Variants in ADAMTS6 observed in about 807,000 individuals in gnomAD.
ADAMTS6 encodes A disintegrin and metalloproteinase with thrombospondin motifs 6.
ADAMTS6 carries 23 observed loss-of-function variants against 144.3 expected under a neutral mutation model. The ratio of observed to expected loss-of-function variants is 0.16; its 90% CI spans 0.11 to 0.23. The LOEUF is 0.23. Among genes scored for constraint, ADAMTS6 ranks in the 10% least tolerant of loss-of-function variants. ADAMTS6 has a pLI of 1.00. For missense variants in ADAMTS6, 999 were observed against 1,379.6 expected (o/e 0.72, Z 4.37); for synonymous variants, 444 against 457.5 (o/e 0.97, Z 0.38).
chr5:65,462,717 T>A (rs1213011054), intron 3 of ADAMTS6, among the ~76,000 whole-genome samples: 2 of 152,218 alleles, frequency 1.3e-5, no homozygotes, highest in African/African-American at 4.8e-5. Flanking sequence ...CTATGCTATG[T>A]GGTAGGGATA....
At position 65,149,319 on chromosome 5, in the gene ADAMTS6, C is replaced by T. The variant is rs1171907707; in HGVS notation, c.*2517G>A. 1 of 152,228 alleles carries T rather than the reference C, an allele frequency of 6.6e-6. No individual in the cohort carries two copies. The highest frequency in any genetic ancestry group is 2.4e-5 in the African/African-American group (1 of 41,452). The allele number at this position is 152,228 out of a possible 1,614,324, so 9.4% of individuals were successfully genotyped here. A position where few individuals can be genotyped will look rare whatever the true frequency, so the allele number is the denominator to read the frequency against. ...CATCATGTAGCCATGGGGGTGGCTA[C>T]AGAGTAGCAGCAGTATTGTGATGTG... On this transcript the variant is annotated 3_prime_UTR_variant, in exon 25 of 25. Coordinates refer to ENST00000381055, the MANE Select transcript of ADAMTS6 (RefSeq NM_197941.4).
intron 7 of ADAMTS6, among the ~76,000 whole-genome samples, chr5:65,409,177 T>TA (rs1754837018): frequency 6.6e-6 from 1 of 151,960 alleles, no homozygotes; most frequent in African/African-American, 2.4e-5. Flanking sequence ...GACAGAGACA[T>TA]AAAAAACCCT....
intron 11 of ADAMTS6, among the ~76,000 whole-genome samples, chr5:65,287,676 A>G (rs541205100): frequency 6.6e-6 from 1 of 152,184 alleles, no homozygotes; most frequent in South Asian, 2.1e-4. Context: ...GATTACAGGC[A>G]TGTGCCACCA....
chr5:65,301,591 G>T (rs1057072870), intron 9 of ADAMTS6, among the ~76,000 whole-genome samples: 6 of 152,152 alleles, frequency 3.9e-5, no homozygotes, highest in Admixed American at 2.0e-4. Flanking sequence ...AGTAATTATA[G>T]TAACTCCATG....
At chr5:65,407,691 G>T (rs1754666942) in intron 7 of ADAMTS6, among the ~76,000 whole-genome samples, 1 of 151,964 alleles carries the variant, frequency 6.6e-6, no homozygotes, top group African/African-American at 2.4e-5. Flanking sequence ...TGGCTGCACA[G>T]TATTCCATGG....
intron 9 of ADAMTS6, among the ~76,000 whole-genome samples, chr5:65,300,787 C>A (rs1490552461): frequency 6.6e-6 from 1 of 151,882 alleles, no homozygotes; most frequent in Non-Finnish European, 1.5e-5. Flanking sequence ...ACCTGTCACC[C>A]CGCCTGGCTA....
intron 9 of ADAMTS6, among the ~76,000 whole-genome samples, chr5:65,311,269 T>G (rs957030413): frequency 1.3e-5 from 2 of 152,122 alleles, no homozygotes; most frequent in South Asian, 2.1e-4. Flanking sequence ...TACTATATAA[T>G]AAGTAATAAA....
Position 65,224,788 on chromosome 5 carries a change from G to A in ADAMTS6, c.2191+136C>T, listed in dbSNP as rs569634436. Reference sequence around the variant, plus strand: ...TTGAAGCCACATTTAACACTAAAATGACTGAAAGCAATTTGGGGAAGAAAA... The same window carrying A: ...TTGAAGCCACATTTAACACTAAAATAACTGAAAGCAATTTGGGGAAGAAAA... On this transcript the variant is annotated intron_variant, in intron 17 of 24. Coordinates refer to ENST00000381055, the MANE Select transcript of ADAMTS6 (RefSeq NM_197941.4). 1.9e-5 allele frequency: 20 copies of A among 1,027,492 alleles called. No homozygotes were observed. The South Asian group carries it at 3.1e-4, about 16-fold the overall frequency. The allele number at this position is 1,027,492 out of a possible 1,614,324, so 63.6% of individuals were successfully genotyped here.
At chr5:65,255,768 G>A (rs1447990639) in intron 14 of ADAMTS6, among the ~76,000 whole-genome samples, 1 of 151,328 alleles carries the variant, frequency 6.6e-6, no homozygotes. Flanking sequence ...ATCTTACTGA[G>A]CAATTAAAAA....
chr5:65,219,233 G>A (rs149716558), intron 18 of ADAMTS6, among the ~76,000 whole-genome samples: 6,103 of 152,220 alleles, frequency 0.04, 189 homozygotes, highest in Middle Eastern at 0.075. Context: ...TTGGAACACA[G>A]TCACACCCAT....
intron 11 of ADAMTS6, among the ~76,000 whole-genome samples, chr5:65,289,220 T>C (rs1411143414): frequency 6.6e-6 from 1 of 152,176 alleles, no homozygotes; most frequent in Admixed American, 6.5e-5. Flanking sequence ...ACAGAAGTCT[T>C]TATAAACAAA....
chr5:65,414,236 A>T (rs2150187173), intron 7 of ADAMTS6, among the ~76,000 whole-genome samples: 1 of 152,314 alleles, frequency 6.6e-6, no homozygotes, highest in Non-Finnish European at 1.5e-5. Context: ...AACCTAGTAT[A>T]AAAACACTCA....
At chr5:65,345,125 G>C (rs909963428) in intron 7 of ADAMTS6, among the ~76,000 whole-genome samples, 3 of 151,750 alleles carry the variant, frequency 2.0e-5, no homozygotes, top group Non-Finnish European at 3.0e-5. Context: ...CATAGTAAGT[G>C]TTTATAATGT....
At chr5:65,340,814 C>T (rs549804161) in intron 7 of ADAMTS6, among the ~76,000 whole-genome samples, 15 of 151,896 alleles carry the variant, frequency 9.9e-5, no homozygotes, top group Non-Finnish European at 2.1e-4. Flanking sequence ...ATAAAACAAA[C>T]TTGAAATTAA....
In ADAMTS6 at chr5:65,214,744, T is replaced by C. The variant is rs866435522; in HGVS notation, c.2575+50A>G. On this transcript the variant is annotated intron_variant, in intron 20 of 24. Coordinates refer to ENST00000381055, the MANE Select transcript of ADAMTS6 (RefSeq NM_197941.4). This position sits in a 1 kb window ranked among gnomAD's most constrained non-coding sequence, Gnocchi z 4.6. The stretch of plus-strand genomic sequence containing the variant: ...AACACAAAGCATAGCTCAGAATGTG[T>C]TTTGTTCTCCATCTTGCCCTCTGGG... 1 of 1,613,124 alleles carries C rather than the reference T, an allele frequency of 6.2e-7. No homozygotes were observed. The highest frequency in any genetic ancestry group is 8.5e-7 in the Non-Finnish European group (1 of 1,179,614).
At chr5:65,200,937 A>G (rs1470408049) in intron 20 of ADAMTS6, among the ~76,000 whole-genome samples, 1 of 152,200 alleles carries the variant, frequency 6.6e-6, no homozygotes, top group African/African-American at 2.4e-5. Flanking sequence ...TGTAACCCTC[A>G]CTTTTTGTCC....
intron 7 of ADAMTS6, among the ~76,000 whole-genome samples, chr5:65,401,129 T>A (rs1016437461): frequency 6.6e-6 from 1 of 152,142 alleles, no homozygotes; most frequent in African/African-American, 2.4e-5. Flanking sequence ...CATGATATAC[T>A]GGGTAAAAGC....
chr5:65,275,353 GAGAAAGAAAGAAAGAAAGAAAGAAAGAA>G (rs71693940), intron 11 of ADAMTS6, among the ~76,000 whole-genome samples: 145 of 87,188 alleles, frequency 1.7e-3, no homozygotes, highest in South Asian at 0.011. Context: ...AAAGAAAGAA[GAGAAAGAAAGAAAGAAAGAAAGAAAGAA>G]AGAAAGAAAG....
intron 9 of ADAMTS6, among the ~76,000 whole-genome samples, chr5:65,325,492 C>CTTTT (rs1260973906): frequency 3.5e-5 from 5 of 141,808 alleles, no homozygotes; most frequent in African/African-American, 1.3e-4. Context: ...TTCAATATAG[C>CTTTT]TTTTTTTTTT....
Sources: allele counts gnomAD v4.1 joint callset (sites outside exome capture counted in the v4.1 genomes callset), GRCh38; gene constraint gnomAD v4.1.1; non-coding constraint Gnocchi (gnomAD v3.1); transcripts MANE v1.5; gene names NCBI Gene and HGNC (gene_info 2026-07-23, HGNC 2026-07-21).